The following RUFY3 variants were observed in gnomAD, a reference collection of about 807,000 sequenced individuals.
RUFY3 encodes the protein RUN and FYVE domain containing 3.
Under a neutral mutation model 84.0 loss-of-function variants are expected in RUFY3, and 34 were observed. The ratio of observed to expected loss-of-function variants is 0.40; its 90% CI spans 0.31 to 0.54. The LOEUF (loss-of-function observed/expected upper bound fraction) is 0.54, where lower values mean the gene tolerates loss of function less well. Among genes scored for constraint, RUFY3 ranks in the 20% least tolerant of loss-of-function variants. The probability of loss-of-function intolerance (pLI) is 0.39; values close to 1 mark genes in which losing one functional copy is unlikely to be tolerated. For missense variants in RUFY3, 507 were observed against 736.8 expected (o/e 0.69, Z 3.61); for synonymous variants, 242 against 252.9 (o/e 0.96, Z 0.41).
At chr4:70,795,353 C>T (rs74837984) in intron 14 of RUFY3, among the ~76,000 whole-genome samples, 1 of 152,148 alleles carries the variant, frequency 6.6e-6, no homozygotes, top group African/African-American at 2.4e-5. Context: ...CCTTAAGGAA[C>T]TTCTCGTGGG....
At chr4:70,729,147 A>T (rs1011443065) in intron 1 of RUFY3, among the ~76,000 whole-genome samples, 4 of 152,154 alleles carry the variant, frequency 2.6e-5, no homozygotes, top group Non-Finnish European at 5.9e-5. Context: ...ATAATATAGG[A>T]TAGTGGTTAA....
intron 1 of RUFY3, among the ~76,000 whole-genome samples, chr4:70,760,224 A>G (rs1724791302): frequency 6.6e-6 from 1 of 152,244 alleles, no homozygotes; most frequent in Non-Finnish European, 1.5e-5. Flanking sequence ...GAACAAGATG[A>G]GAAAATGTAG....
rs571709411 is a variant in RUFY3 at position 70,768,631 on chromosome 4, C to G, written c.666C>G (p.Phe222Leu). ...GTCTGAATGTCATTGATGCCAATTT[C>G]TGTATGAAAGGAGAAGACTTGGACT... ...LVGLNVIDAN[F>L]CMKGEDLDSQ... The change falls in exon 5 of 18, where the codon TTC becomes TTG. Residue 222 changes from phenylalanine (F) to leucine (L), a missense_variant. Around this residue, in one of 4 missense-constraint regions of RUFY3, gnomAD observed 133 missense variants for 301.1 expected, o/e 0.44. Coordinates refer to ENST00000381006, the MANE Select transcript of RUFY3 (RefSeq NM_001037442.4). The G allele has an allele frequency of 6.2e-7, 1 of 1,613,756 alleles. No homozygotes were observed. The highest frequency in any genetic ancestry group is 8.5e-7 in the Non-Finnish European group (1 of 1,179,958).
intron 4 of RUFY3, among the ~76,000 whole-genome samples, chr4:70,767,161 C>T (rs529179658): frequency 1.3e-5 from 2 of 152,072 alleles, no homozygotes; most frequent in Non-Finnish European, 2.9e-5. Flanking sequence ...TCTCAGCTCA[C>T]CGCAATCTCC....
At position 70,732,673 on chromosome 4, in the gene RUFY3, C is replaced by T. The variant is rs575900891; in HGVS notation, c.178+9922C>T. Among the ~76,000 whole-genome samples the T allele has an allele frequency of 2.0e-4, 31 of 151,972 alleles. 1 individual carries two copies. The South Asian group carries it at 3.3e-3, about 16-fold the overall frequency. On this transcript the variant is annotated intron_variant, in intron 1 of 17. Coordinates refer to ENST00000381006, the MANE Select transcript of RUFY3 (RefSeq NM_001037442.4). ...ATCACAAGGACAAAAAACCAAACACCGCATGTTCTCACTCATAAGTGGGAG... is the reference window on the plus strand; with the variant it reads ...ATCACAAGGACAAAAAACCAAACACTGCATGTTCTCACTCATAAGTGGGAG...
At chr4:70,736,623 G>A (rs1720352520) in intron 1 of RUFY3, among the ~76,000 whole-genome samples, 1 of 151,890 alleles carries the variant, frequency 6.6e-6, no homozygotes, top group Non-Finnish European at 1.5e-5. Context: ...CTGGGCTGGA[G>A]TGCAATGGCA....
chr4:70,767,199 C>T (rs1726097415), intron 4 of RUFY3, among the ~76,000 whole-genome samples: 1 of 151,660 alleles, frequency 6.6e-6, no homozygotes, highest in African/African-American at 2.4e-5. Context: ...GATTGTCCTG[C>T]CTCAGCCTCC....
intron 1 of RUFY3, chr4:70,705,324 G>C (rs1433137650): frequency 1.5e-5 from 20 of 1,324,426 alleles, no homozygotes; most frequent in Non-Finnish European, 1.4e-5. Context: ...GGGGACGCCC[G>C]CGGGGAAGGG....
At chr4:70,734,707 A>T (rs1349272100) in intron 1 of RUFY3, 3 of 259,566 alleles carry the variant, frequency 1.2e-5, no homozygotes, top group Non-Finnish European at 1.8e-5. Flanking sequence ...AAAGAGGTGC[A>T]TGCTGCCTCT....
chr4:70,788,560 C>T (rs999164469), intron 10 of RUFY3, among the ~76,000 whole-genome samples: 2 of 152,092 alleles, frequency 1.3e-5, no homozygotes, highest in Non-Finnish European at 2.9e-5. Flanking sequence ...TTAAATAACA[C>T]TATCTTTGGC....
intron 1 of RUFY3, among the ~76,000 whole-genome samples, chr4:70,756,680 A>C (rs542179889): frequency 6.6e-6 from 1 of 152,118 alleles, no homozygotes; most frequent in Non-Finnish European, 1.5e-5. Flanking sequence ...CTGAGGATTT[A>C]TAGAAACACA....
At chr4:70,733,767 A>C (rs185668459) in intron 1 of RUFY3, among the ~76,000 whole-genome samples, 88 of 152,332 alleles carry the variant, frequency 5.8e-4, no homozygotes, top group African/African-American at 2.0e-3. Flanking sequence ...AAACACAAGT[A>C]AAAGGAAATG....
intron 12 of RUFY3, chr4:70,791,542 A>G: frequency 2.3e-6 from 3 of 1,327,884 alleles, no homozygotes; most frequent in Non-Finnish European, 2.9e-6. Context: ...AAACTTTGAG[A>G]AATTATTTCT....
chr4:70,778,397 G>GT lies in RUFY3; in HGVS notation c.854dup (p.Asp286ArgfsTer9). 6.2e-7 allele frequency: 1 copy of GT among 1,605,610 alleles called. No homozygotes were observed. Among genetic ancestry groups the GT allele is most frequent in the Non-Finnish European group, 8.5e-7 (1 of 1,173,084 alleles). On this transcript the variant is annotated frameshift_variant, in exon 8 of 18. Coordinates refer to ENST00000381006, the MANE Select transcript of RUFY3 (RefSeq NM_001037442.4). LOFTEE classifies it high-confidence loss of function. ...TACTGTAAACAACCTTCAGGCAAAAGTAGATGCATTAGAAAAATCCAACAC... is the reference window on the plus strand; with the variant it reads ...TACTGTAAACAACCTTCAGGCAAAAGTTAGATGCATTAGAAAAATCCAACAC...
intron 1 of RUFY3, chr4:70,705,315 G>T (rs936112923): frequency 8.2e-6 from 11 of 1,348,712 alleles, no homozygotes; most frequent in Non-Finnish European, 1.0e-5. Flanking sequence ...GAGGGGCATG[G>T]GGACGCCCGC....
chr4:70,755,975 A>G (rs918636858), intron 1 of RUFY3, among the ~76,000 whole-genome samples: 2 of 151,752 alleles, frequency 1.3e-5, no homozygotes, highest in African/African-American at 4.8e-5. Context: ...GGAAAAAAAG[A>G]ACATTGATTT....
intron 11 of RUFY3, among the ~76,000 whole-genome samples, 181 bp from the exon 12 acceptor site, chr4:70,789,314 C>A (rs2303410): frequency 0.068 from 10,396 of 152,228 alleles, 557 homozygotes; most frequent in East Asian, 0.2. Flanking sequence ...TTACTGTGAT[C>A]ACACTGCATA....
chr4:70,806,594 C>T lies in RUFY3; in HGVS notation c.1798C>T (p.Leu600Phe), dbSNP rs139009491. ...NELPLPSSIK[L>F]ERVCNPCHKH... is the part of the protein sequence containing the mutation. ...ACTGCCTCTTCCTTCAAGTATCAAG[C>T]TTGAGCGAGTTTGCAATCCCTGTCA... The change falls in exon 18 of 18, where the codon CTT becomes TTT. Residue 600 changes from leucine (L) to phenylalanine (F), a missense_variant. This residue lies in a region of RUFY3 where 334 missense variants were observed against 364.1 expected (regional missense o/e 0.92). Transcript: ENST00000381006. 1.4e-4 allele frequency: 223 copies of T among 1,614,052 alleles called. No homozygotes were observed. Among genetic ancestry groups the T allele is most frequent in the Admixed American group, 6.7e-5 (4 of 59,988 alleles).
chr4:70,705,165 T>C, exon 1 of RUFY3: 2 of 1,458,112 alleles, frequency 1.4e-6, no homozygotes, highest in Non-Finnish European at 1.8e-6. Flanking sequence ...AGGCGCCGGC[T>C]TCGGAGTGCG....
Sources: allele counts gnomAD v4.1 joint callset (sites outside exome capture counted in the v4.1 genomes callset), GRCh38; gene constraint gnomAD v4.1.1; regional missense constraint gnomAD v4.1.1; transcripts MANE v1.5; gene names NCBI Gene and HGNC (gene_info 2026-07-23, HGNC 2026-07-21).